Variants in EBF1 observed in about 807,000 individuals in gnomAD.
EBF1 encodes EBF transcription factor 1, also known as transcription factor COE1.
A neutral mutation model predicts 68.4 loss-of-function variants in EBF1; 10 were observed. The ratio of observed to expected loss-of-function variants is 0.15; its 90% CI spans 0.09 to 0.25. EBF1 has a LOEUF of 0.25. Ranked by LOEUF, EBF1 falls within the 10% of genes least tolerant of loss-of-function variation. EBF1 has a pLI of 1.00. For synonymous variants in EBF1, 298 were observed against 299.8 expected, an observed-to-expected ratio of 0.99 and a Z score of 0.06; for missense variants, 509 against 794.4, an observed-to-expected ratio of 0.64 and a Z score of 4.32.
chr5:158,809,613 T>G (rs1052565486), intron 8 of EBF1, among the ~76,000 whole-genome samples: 1 of 152,160 alleles, frequency 6.6e-6, no homozygotes, highest in African/African-American at 2.4e-5. Context: ...CTCTCCACCT[T>G]CTTCTATTTC....
At chr5:158,970,828 GAA>G (rs1009847931) in intron 6 of EBF1, among the ~76,000 whole-genome samples, 2 of 152,146 alleles carry the variant, frequency 1.3e-5, no homozygotes, top group Non-Finnish European at 2.9e-5. Context: ...AAAGAGAAAG[GAA>G]AAAAGACTTC....
chr5:159,084,276 C>A (rs1780245766), intron 5 of EBF1, among the ~76,000 whole-genome samples: 1 of 151,934 alleles, frequency 6.6e-6, no homozygotes, highest in African/African-American at 2.4e-5. Context: ...CAAGTCTTAC[C>A]CAAACAGAAG....
chr5:158,923,953 T>C (rs1809018010), intron 6 of EBF1, among the ~76,000 whole-genome samples: 1 of 152,242 alleles, frequency 6.6e-6, no homozygotes, highest in South Asian at 2.1e-4. Context: ...ATGGTCTTAC[T>C]TGAAACTACA....
chr5:158,842,234 G>C (rs910852873), intron 6 of EBF1, among the ~76,000 whole-genome samples: 1 of 152,218 alleles, frequency 6.6e-6, no homozygotes, highest in Non-Finnish European at 1.5e-5. Flanking sequence ...CTCCCAGAAG[G>C]CAAGTGCTGG....
intron 10 of EBF1, among the ~76,000 whole-genome samples, chr5:158,739,530 G>T (rs1448339107): frequency 3.9e-5 from 6 of 152,028 alleles, no homozygotes; most frequent in East Asian, 1.9e-4. Flanking sequence ...TTTCATTTGG[G>T]TGTTTTTTTA....
intron 6 of EBF1, among the ~76,000 whole-genome samples, chr5:158,942,162 C>G (rs1446984469): frequency 6.6e-6 from 1 of 152,094 alleles, no homozygotes; most frequent in Non-Finnish European, 1.5e-5. Context: ...AATATATACA[C>G]AGTACTTATT....
chr5:159,094,184 A>C (rs1243040267), intron 4 of EBF1, among the ~76,000 whole-genome samples: 8 of 146,968 alleles, frequency 5.4e-5, no homozygotes, highest in Non-Finnish European at 1.1e-4. Context: ...AAAAAAAAAA[A>C]AAAAAAAAAA....
At chr5:159,033,315 A>G (rs911802004) in intron 6 of EBF1, among the ~76,000 whole-genome samples, 1 of 152,262 alleles carries the variant, frequency 6.6e-6, no homozygotes, top group African/African-American at 2.4e-5. Flanking sequence ...GATCCTGGAT[A>G]CAGAAATGCT....
intron 10 of EBF1, among the ~76,000 whole-genome samples, chr5:158,732,394 C>T (rs1260861082): frequency 6.6e-6 from 1 of 152,104 alleles, no homozygotes; most frequent in African/African-American, 2.4e-5. Flanking sequence ...CTGACTGGCC[C>T]ACTTTTCAAA....
intron 6 of EBF1, among the ~76,000 whole-genome samples, chr5:158,993,118 TG>T (rs1363464841): frequency 6.7e-6 from 1 of 149,286 alleles, no homozygotes; most frequent in Non-Finnish European, 1.5e-5. Flanking sequence ...TTAGTAGAGA[TG>T]GGGTTTCACC....
chr5:158,979,807 T>C (rs527369048), intron 6 of EBF1, among the ~76,000 whole-genome samples: 6 of 152,342 alleles, frequency 3.9e-5, no homozygotes, highest in Admixed American at 3.9e-4. Context: ...GTAATAACGC[T>C]AATCAAATTA....
chr5:158,979,146 A>G (rs1280667722), intron 6 of EBF1, among the ~76,000 whole-genome samples: 1 of 152,240 alleles, frequency 6.6e-6, no homozygotes, highest in Non-Finnish European at 1.5e-5. Flanking sequence ...TTTGGAGACT[A>G]TAGGAAAACA....
chr5:158,829,301 G>A (rs934943496), intron 7 of EBF1, among the ~76,000 whole-genome samples: 5 of 151,542 alleles, frequency 3.3e-5, no homozygotes, highest in Admixed American at 6.6e-5. Flanking sequence ...CTCAGCTCCT[G>A]AGTAGCTGGA....
intron 10 of EBF1, among the ~76,000 whole-genome samples, chr5:158,746,338 G>A (rs978953532): frequency 6.6e-6 from 1 of 152,150 alleles, no homozygotes; most frequent in Non-Finnish European, 1.5e-5. Context: ...ATCAGTACAA[G>A]CTTTCTGGAG....
intron 6 of EBF1, among the ~76,000 whole-genome samples, chr5:159,026,758 G>A (rs1767784408): frequency 6.6e-6 from 1 of 152,104 alleles, no homozygotes; most frequent in Admixed American, 6.6e-5. Context: ...TAGTTGATCT[G>A]GGAAGGACAT....
intron 10 of EBF1, among the ~76,000 whole-genome samples, chr5:158,761,590 A>G (rs1561851406): frequency 6.6e-6 from 1 of 152,226 alleles, no homozygotes; most frequent in South Asian, 2.1e-4. Context: ...ATGAGGCAGA[A>G]TCATAGTCTT....
At chr5:159,046,672 A>T (rs1772467562) in intron 6 of EBF1, among the ~76,000 whole-genome samples, 2 of 152,204 alleles carry the variant, frequency 1.3e-5, no homozygotes, top group Admixed American at 6.5e-5. Flanking sequence ...GACTAATAAG[A>T]TGTGATCTCT....
chr5:158,968,133 G>A (rs923792058), intron 6 of EBF1, among the ~76,000 whole-genome samples: 3 of 152,094 alleles, frequency 2.0e-5, no homozygotes, highest in Admixed American at 1.3e-4. Flanking sequence ...AAGTCAGTGC[G>A]ATTCATTTAA....
intron 6 of EBF1, among the ~76,000 whole-genome samples, chr5:158,862,355 A>T (rs1183716857): frequency 6.6e-6 from 1 of 152,230 alleles, no homozygotes; most frequent in Non-Finnish European, 1.5e-5. Flanking sequence ...TATTAAAAAA[A>T]ACAAGAACAC....
Sources: allele counts gnomAD v4.1 joint callset (sites outside exome capture counted in the v4.1 genomes callset), GRCh38; gene constraint gnomAD v4.1.1; transcripts MANE v1.5; gene names NCBI Gene and HGNC (gene_info 2026-07-23, HGNC 2026-07-21).